DLGAP1: variants seen among roughly 807,000 people sequenced by gnomAD.
DLGAP1 encodes disks large-associated protein 1.
Under a neutral mutation model 90.8 loss-of-function variants are expected in DLGAP1, and 11 were observed. The observed-to-expected ratio is 0.12, with a 90% confidence interval of 0.08 to 0.20. The LOEUF is 0.20. Ranked by LOEUF, DLGAP1 falls within the 10% of genes least tolerant of loss-of-function variation. The probability of loss-of-function intolerance (pLI) is 1.00; values close to 1 mark genes in which losing one functional copy is unlikely to be tolerated. For synonymous variants in DLGAP1, 558 were observed against 540.7 expected, an observed-to-expected ratio of 1.03 and a Z score of -0.44; for missense variants, 1,050 against 1,333.8, an observed-to-expected ratio of 0.79 and a Z score of 3.31.
At chr18:4,258,727 C>T (rs2078946374) in intron 1 of DLGAP1, among the ~76,000 whole-genome samples, 1 of 152,078 alleles carries the variant, frequency 6.6e-6, no homozygotes, top group South Asian at 2.1e-4. Flanking sequence ...TTCATTACGG[C>T]AATACTGCTC....
At chr18:3,928,315 CA>C (rs1236296122) in intron 3 of DLGAP1, among the ~76,000 whole-genome samples, 1 of 152,164 alleles carries the variant, frequency 6.6e-6, no homozygotes, top group East Asian at 1.9e-4. Context: ...TTGATGCTCT[CA>C]AGTCTTTTCC....
intron 4 of DLGAP1, among the ~76,000 whole-genome samples, chr18:3,827,355 A>G (rs1414463301): frequency 6.6e-6 from 1 of 152,188 alleles, no homozygotes; most frequent in Non-Finnish European, 1.5e-5. Flanking sequence ...AACGATCAAC[A>G]AAGGGTGTGT....
At chr18:3,674,313 G>A (rs185781791) in intron 7 of DLGAP1, among the ~76,000 whole-genome samples, 16,735 of 80,606 alleles carry the variant, frequency 0.21, 2,122 homozygotes, top group African/African-American at 0.46. Context: ...ATATATATAT[G>A]TATATTTTAA....
At chr18:3,826,659 G>A (rs1368126777) in intron 4 of DLGAP1, among the ~76,000 whole-genome samples, 1 of 152,206 alleles carries the variant, frequency 6.6e-6, no homozygotes, top group Non-Finnish European at 1.5e-5. Context: ...GGGAGTGTGG[G>A]GGTCCATTTC....
At position 4,177,351 on chromosome 18, in the gene DLGAP1, AACACACACACACACACACACACACAC is replaced by A. The variant is rs34299932; in HGVS notation, c.-266-26090_-266-26065del. On this transcript the variant is annotated intron_variant, in intron 1 of 12. Transcript: ENST00000315677. ...AATACATATGCCTTGACTTTCTTTG[AACACACACACACACACACACACACAC>A]ACACACACACACACACACACTTCCT... 2.8e-5 allele frequency among the ~76,000 whole-genome samples: 4 copies of A among 141,568 alleles called. No individual in the cohort carries two copies. In the South Asian group the frequency reaches 7.0e-4, roughly 25 times the overall value. The allele number at this position is 141,568 out of a possible 152,430, so 92.9% of individuals were successfully genotyped here. A position where few individuals can be genotyped will look rare whatever the true frequency, so the allele number is the denominator to read the frequency against.
At chr18:3,756,615 T>G (rs2063728859) in intron 5 of DLGAP1, among the ~76,000 whole-genome samples, 1 of 152,026 alleles carries the variant, frequency 6.6e-6, no homozygotes, top group Non-Finnish European at 1.5e-5. Context: ...ATATAATAGC[T>G]ATTATAGTGG....
At chr18:3,888,690 T>C (rs1413385822) in intron 3 of DLGAP1, among the ~76,000 whole-genome samples, 1 of 152,126 alleles carries the variant, frequency 6.6e-6, no homozygotes, top group African/African-American at 2.4e-5. Context: ...AATAAAAAGG[T>C]GGAAGGTAGT....
At chr18:3,981,134 G>A (rs764437166) in intron 3 of DLGAP1, among the ~76,000 whole-genome samples, 2 of 152,210 alleles carry the variant, frequency 1.3e-5, no homozygotes, top group Non-Finnish European at 2.9e-5. Flanking sequence ...TGTCTCCAAA[G>A]ACCTGTATTT....
rs928340890 is a variant in DLGAP1 at position 3,560,909 on chromosome 18, C to T, written c.2057+6581G>A. Among the ~76,000 whole-genome samples, 5 of 150,466 alleles carry T rather than the reference C, an allele frequency of 3.3e-5. 1 individual carries two copies. Among genetic ancestry groups the T allele is most frequent in the African/African-American group, 7.5e-5 (3 of 40,024 alleles). On this transcript the variant is annotated intron_variant, in intron 9 of 12. Transcript: ENST00000315677. ...CCTAGAGTTTGCATTATGTATTTAC[C>T]ACGAATCCAATCCACTTTCATATAA...
At chr18:3,901,368 T>C (rs533311488) in intron 3 of DLGAP1, among the ~76,000 whole-genome samples, 12 of 152,220 alleles carry the variant, frequency 7.9e-5, no homozygotes, top group African/African-American at 2.9e-4. Flanking sequence ...CATCCTCTCT[T>C]CTCCCACTGT....
rs148803625 is a variant in DLGAP1, at chr18:3,614,167, G to A, written c.1592-31919C>T. On this transcript the variant is annotated intron_variant, in intron 7 of 12. Coordinates refer to ENST00000315677, the MANE Select transcript of DLGAP1 (RefSeq NM_004746.4). ...ACTCCTGAGCTCAGGCAATCCGCCC[G>A]CCTCGGCCTCCCAAAGTGCTAGGAT... Among the ~76,000 whole-genome samples, 748 of 147,944 alleles carry A rather than the reference G, an allele frequency of 5.1e-3. 12 individuals are homozygous for A. Among genetic ancestry groups the A allele is most frequent in the African/African-American group, 0.018 (709 of 39,318 alleles).
chr18:4,059,237 G>A (rs2075265728), intron 2 of DLGAP1, among the ~76,000 whole-genome samples: 1 of 152,162 alleles, frequency 6.6e-6, no homozygotes, highest in African/African-American at 2.4e-5. Context: ...GTTCAGGATA[G>A]GGAAATAAGA....
At chr18:3,506,800 T>C (rs2050252666) in intron 11 of DLGAP1, among the ~76,000 whole-genome samples, 1 of 152,214 alleles carries the variant, frequency 6.6e-6, no homozygotes, top group Non-Finnish European at 1.5e-5. Flanking sequence ...CAGAGAATCA[T>C]GTTAATTGAG....
chr18:3,934,029 G>C (rs2148934439), intron 3 of DLGAP1, among the ~76,000 whole-genome samples: 1 of 152,280 alleles, frequency 6.6e-6, no homozygotes, highest in Non-Finnish European at 1.5e-5. Flanking sequence ...CACTCAGTAG[G>C]CAGCAGCCAT....
chr18:3,718,926 G>A (rs1344917053), intron 7 of DLGAP1, among the ~76,000 whole-genome samples: 9 of 95,456 alleles, frequency 9.4e-5, no homozygotes, highest in African/African-American at 1.2e-4. Context: ...GACTTTGTCT[G>A]AAAAAAAAAA....
chr18:4,100,492 C>G (rs1228435204), intron 2 of DLGAP1, among the ~76,000 whole-genome samples: 1 of 152,198 alleles, frequency 6.6e-6, no homozygotes, highest in African/African-American at 2.4e-5. Context: ...TAGCCTACCT[C>G]TTAAAGGCCT....
chr18:3,761,578 CT>C (rs540575856), intron 5 of DLGAP1, among the ~76,000 whole-genome samples: 479 of 135,076 alleles, frequency 3.5e-3, no homozygotes, highest in East Asian at 6.5e-3. Context: ...TTCTTTCTTT[CT>C]TTTTTTTTTT....
chr18:3,840,985 A>G (rs2068684405), intron 4 of DLGAP1, among the ~76,000 whole-genome samples: 1 of 152,214 alleles, frequency 6.6e-6, no homozygotes, highest in Admixed American at 6.5e-5. Flanking sequence ...ACAAAATGGA[A>G]AATTTCCCAG....
At chr18:3,561,656 T>G (rs1046050209) in intron 9 of DLGAP1, among the ~76,000 whole-genome samples, 1 of 150,830 alleles carries the variant, frequency 6.6e-6, no homozygotes, top group Admixed American at 6.6e-5. Context: ...GTTTTTGGTT[T>G]TTTATTCTCC....
Sources: gnomAD v4.1 joint callset for allele counts (sites outside exome capture counted in the v4.1 genomes callset) on GRCh38, gnomAD v4.1.1 for gene constraint, MANE v1.5 for transcripts, NCBI Gene and HGNC (gene_info 2026-07-23, HGNC 2026-07-21) for gene names.